The following DNAJA3 variants were observed in gnomAD, a reference collection of about 807,000 sequenced individuals.
DNAJA3 encodes DnaJ heat shock protein family (Hsp40) member A3.
Under a neutral mutation model 54.9 loss-of-function variants are expected in DNAJA3, and 29 were observed. The observed-to-expected ratio is 0.53, with a 90% CI of 0.39 to 0.72. The LOEUF is 0.72. Among genes scored for constraint, DNAJA3 ranks in the 30% least tolerant of loss-of-function variants. The pLI, the probability that DNAJA3 is intolerant of heterozygous loss-of-function variation, is 0.00. For synonymous variants in DNAJA3, 302 were observed against 251.4 expected (o/e 1.20, Z -1.90); for missense variants, 708 against 639.4 (o/e 1.11, Z -1.16).
chr16:4,426,357 C>G (rs748944094), intron 1 of DNAJA3, among the ~76,000 whole-genome samples: 1 of 152,226 alleles, frequency 6.6e-6, no homozygotes, highest in Non-Finnish European at 1.5e-5. Context: ...GTCAACATTT[C>G]TGGAGGCCGC....
chr16:4,439,146 C>A (rs934947227), intron 3 of DNAJA3, among the ~76,000 whole-genome samples: 1 of 151,650 alleles, frequency 6.6e-6, no homozygotes, highest in Non-Finnish European at 1.5e-5. Context: ...GAGTTTGAGA[C>A]CAGCCTGGCC....
intron 6 of DNAJA3, among the ~76,000 whole-genome samples, chr16:4,444,258 G>A (rs2056874635): frequency 6.6e-6 from 1 of 152,118 alleles, no homozygotes; most frequent in South Asian, 2.1e-4. Flanking sequence ...TGGGGAAGAA[G>A]CTGTGGGTTA....
At chr16:4,439,415 G>A (rs541149714) in intron 3 of DNAJA3, among the ~76,000 whole-genome samples, 150 of 151,732 alleles carry the variant, frequency 9.9e-4, no homozygotes, top group African/African-American at 3.1e-3. Flanking sequence ...GTGTAGTGGC[G>A]AGATCACAGC....
intron 3 of DNAJA3, chr16:4,441,101 C>T (rs758724761): frequency 1.9e-5 from 10 of 515,882 alleles, no homozygotes; most frequent in South Asian, 1.7e-4. Context: ...TGAGGTCAAG[C>T]GAGGATCAAC....
At chr16:4,433,371 C>T (rs2056730861) in intron 1 of DNAJA3, 1 of 152,204 alleles carries the variant, frequency 6.6e-6, no homozygotes, top group South Asian at 2.1e-4. Flanking sequence ...AGAAGTTCTT[C>T]CCCGACCTTC....
chr16:4,447,055 A>T, intron 8 of DNAJA3, 41 bp downstream of exon 8: 2 of 1,590,254 alleles, frequency 1.3e-6, no homozygotes, highest in Non-Finnish European at 1.7e-6. Flanking sequence ...CCTGTACTTT[A>T]TTGCTCTTTT....
At chr16:4,429,262 G>A (rs1359788297) in intron 1 of DNAJA3, among the ~76,000 whole-genome samples, 2 of 151,096 alleles carry the variant, frequency 1.3e-5, no homozygotes, top group African/African-American at 2.4e-5. Context: ...TGCGATCTCG[G>A]CTCACCATGA....
At position 4,434,063 on chromosome 16, in the gene DNAJA3, C is replaced by T. The variant is rs573026329; in HGVS notation, c.212-321C>T. The stretch of plus-strand genomic sequence containing the variant: ...ATCGTGGCGGAAGGGGAAGCAAACA[C>T]ATCCTTCTTAACATGGCAGCAGGAA... On this transcript the variant is annotated intron_variant, in intron 1 of 11. Transcript: ENST00000262375. The T allele has an allele frequency of 3.5e-4, 106 of 302,174 alleles. 1 individual carries two copies. In the South Asian group the frequency reaches 3.8e-3, roughly 11 times the overall value. The allele number at this position is 302,174 out of a possible 1,614,324, so 18.7% of individuals were successfully genotyped here.
chr16:4,436,386 G>A (rs2056772362), intron 2 of DNAJA3, among the ~76,000 whole-genome samples: 1 of 152,194 alleles, frequency 6.6e-6, no homozygotes, highest in African/African-American at 2.4e-5. Context: ...TAATTTAAGA[G>A]AAAGACTTAA....
chr16:4,442,858 TTGA>T, intron 5 of DNAJA3, 156 bp from the exon 6 acceptor site: 2 of 712,748 alleles, frequency 2.8e-6, no homozygotes, highest in Non-Finnish European at 4.6e-6. Context: ...GATGAACAGA[TTGA>T]GGCCCTGCAC....
At chr16:4,444,345 C>CTTTTTT (rs1290640054) in intron 6 of DNAJA3, among the ~76,000 whole-genome samples, 2 of 137,424 alleles carry the variant, frequency 1.5e-5, no homozygotes, top group Non-Finnish European at 1.6e-5. Context: ...TTTTTCTTTT[C>CTTTTTT]TTTTTTTTTT....
At position 4,446,913 on chromosome 16, in the gene DNAJA3, G is replaced by A; in HGVS notation, c.1024G>A (p.Asp342Asn). ...RVQKSPVFRR[D>N]GADIHSDLFI... The stretch of plus-strand genomic sequence containing the variant: ...GCAGAAAAGCCCTGTGTTCCGGAGG[G>A]ACGGCGCAGACATCCACTCCGACCT... The change falls in exon 8 of 12, where the codon GAC (aspartate) becomes AAC (asparagine). Residue 342 changes from aspartate (D) to asparagine (N), a missense_variant. Physicochemically the swap from Asp to Asn is conservative, Grantham distance 23. Coordinates refer to ENST00000262375, the MANE Select transcript of DNAJA3 (RefSeq NM_005147.6). 6.2e-7 allele frequency: 1 copy of A among 1,614,142 alleles called. No homozygotes were observed. Among genetic ancestry groups the A allele is most frequent in the African/African-American group, 1.3e-5 (1 of 75,044 alleles).
intron 3 of DNAJA3, among the ~76,000 whole-genome samples, chr16:4,438,714 A>G (rs1596364067): frequency 1.4e-5 from 2 of 146,694 alleles, no homozygotes; most frequent in East Asian, 4.0e-4. Context: ...TGAGCTGAAG[A>G]GATCCTCCTG....
intron 1 of DNAJA3, chr16:4,433,924 T>TACAC (rs2056738753): frequency 5.5e-6 from 1 of 180,802 alleles, no homozygotes; most frequent in Admixed American, 6.0e-5. Context: ...AGCTGTAGCC[T>TACAC]GTGTATTAGT....
intron 3 of DNAJA3, chr16:4,437,760 G>A (rs2141377465): frequency 2.9e-6 from 1 of 343,880 alleles, no homozygotes; most frequent in Non-Finnish European, 5.2e-6. Flanking sequence ...GACCAGCTTG[G>A]GCAATGTAGT....
intron 10 of DNAJA3, among the ~76,000 whole-genome samples, chr16:4,453,863 C>A (rs1003433903): frequency 6.6e-6 from 1 of 152,218 alleles, no homozygotes; most frequent in African/African-American, 2.4e-5. Flanking sequence ...GGCCTTTACT[C>A]TTTTATGCAC....
chr16:4,433,302 A>C (rs1161016050), intron 1 of DNAJA3: 2 of 152,230 alleles, frequency 1.3e-5, no homozygotes, highest in East Asian at 3.8e-4. Flanking sequence ...TTCCACTGAA[A>C]GTGGCAAATG....
chr16:4,450,575 G>A (rs2056966162), intron 10 of DNAJA3, 78 bp downstream of exon 10: 3 of 1,150,380 alleles, frequency 2.6e-6, no homozygotes, highest in Non-Finnish European at 2.4e-6. Context: ...AGGGCAGCAT[G>A]TTGGGGTTTC....
intron 3 of DNAJA3, chr16:4,437,708 G>C (rs1365793248): frequency 4.5e-5 from 20 of 448,230 alleles, no homozygotes; most frequent in Non-Finnish European, 7.5e-5. Context: ...GAGGCAGGAG[G>C]ATCACTTGAC....
Sources: gnomAD v4.1 joint callset for allele counts (sites outside exome capture counted in the v4.1 genomes callset) on GRCh38, gnomAD v4.1.1 for gene constraint, MANE v1.5 for transcripts, NCBI Gene and HGNC (gene_info 2026-07-23, HGNC 2026-07-21) for gene names.